FAM117B: variants seen among roughly 807,000 people sequenced by gnomAD.
FAM117B encodes the protein family with sequence similarity 117 member B.
A neutral mutation model predicts 52.8 loss-of-function variants in FAM117B; 22 were observed. The ratio of observed to expected loss-of-function variants is 0.42; its 90% CI spans 0.30 to 0.59. The LOEUF (loss-of-function observed/expected upper bound fraction) is 0.59. FAM117B is among the 20% of genes least tolerant of loss of function. The pLI is 0.22. For synonymous variants in FAM117B, 309 were observed against 324.1 expected (o/e 0.95, Z 0.50); for missense variants, 678 against 802.6 (o/e 0.84, Z 1.88).
chr2:202,738,251 T>G (rs575004620), intron 4 of FAM117B, among the ~76,000 whole-genome samples: 1 of 152,332 alleles, frequency 6.6e-6, no homozygotes, highest in South Asian at 2.1e-4. Context: ...ATAAAAAAAT[T>G]TTGTTGGCAG....
chr2:202,679,124 G>A (rs1690425671), intron 1 of FAM117B, among the ~76,000 whole-genome samples: 2 of 152,110 alleles, frequency 1.3e-5, no homozygotes, highest in African/African-American at 4.8e-5. Context: ...CCCTTCTATG[G>A]TAAACAGTGA....
rs537245240 is a variant in FAM117B at position 202,761,070 on chromosome 2, C to G, written c.1451+1717C>G. On this transcript the variant is annotated intron_variant, in intron 7 of 7. Transcript: ENST00000392238. ...ACCACAGGCATGCCACCACACCCAG[C>G]TAGTTTTTGTAGAGATGGGGTTTTG... 3.1e-3 allele frequency among the ~76,000 whole-genome samples: 479 copies of G among 152,264 alleles called. 1 individual carries two copies. The highest frequency in any genetic ancestry group is 9.3e-3 in the African/African-American group (387 of 41,558).
At chr2:202,641,861 A>T (rs1447312376) in intron 1 of FAM117B, among the ~76,000 whole-genome samples, 1 of 150,774 alleles carries the variant, frequency 6.6e-6, no homozygotes, top group African/African-American at 2.4e-5. Context: ...CTGGTCTCGA[A>T]CTCCTGACCT....
chr2:202,756,261 A>G (rs1160249035), intron 5 of FAM117B, among the ~76,000 whole-genome samples: 2 of 152,160 alleles, frequency 1.3e-5, no homozygotes, highest in East Asian at 3.9e-4. Context: ...TACTAAAAGA[A>G]TACAAAAATA....
At chr2:202,690,343 T>G (rs1690602440) in intron 1 of FAM117B, among the ~76,000 whole-genome samples, 1 of 152,232 alleles carries the variant, frequency 6.6e-6, no homozygotes, top group Non-Finnish European at 1.5e-5. Context: ...ATCTCAAGTC[T>G]TCTTCATTTA....
chr2:202,737,876 A>G (rs956174424), intron 4 of FAM117B, among the ~76,000 whole-genome samples: 1 of 152,176 alleles, frequency 6.6e-6, no homozygotes, highest in African/African-American at 2.4e-5. Context: ...TGCTGGGATT[A>G]CAGGCATGAA....
intron 1 of FAM117B, among the ~76,000 whole-genome samples, chr2:202,654,018 A>G (rs1574542699): frequency 1.3e-5 from 2 of 151,410 alleles, no homozygotes; most frequent in Non-Finnish European, 2.9e-5. Context: ...AAATTTCCCC[A>G]GTGAAATCAT....
At chr2:202,645,441 C>T (rs1346750234) in intron 1 of FAM117B, among the ~76,000 whole-genome samples, 1 of 151,184 alleles carries the variant, frequency 6.6e-6, no homozygotes, top group African/African-American at 2.4e-5. Flanking sequence ...AGGCGCCCGC[C>T]ACCTCGCCCG....
chr2:202,757,504 A>G, intron 6 of FAM117B, 66 bp downstream of exon 6: 1 of 1,480,890 alleles, frequency 6.8e-7, no homozygotes, highest in South Asian at 1.2e-5. Flanking sequence ...CATTCATTCT[A>G]TTCATTTTCT....
At chr2:202,728,549 A>G (rs1691291407) in intron 4 of FAM117B, among the ~76,000 whole-genome samples, 1 of 152,204 alleles carries the variant, frequency 6.6e-6, no homozygotes, top group Non-Finnish European at 1.5e-5. Context: ...TGAATTTGCC[A>G]ACCTTCCCCT....
At chr2:202,719,988 C>T (rs1251282194) in intron 2 of FAM117B, among the ~76,000 whole-genome samples, 1 of 152,082 alleles carries the variant, frequency 6.6e-6, no homozygotes, top group Non-Finnish European at 1.5e-5. Context: ...GCCTGTGGAT[C>T]AAGAGGTACA....
At position 202,736,711 on chromosome 2, in the gene FAM117B, G is replaced by C. The variant is rs78691907; in HGVS notation, c.960+10348G>C. On this transcript the variant is annotated intron_variant, in intron 4 of 7. Transcript: ENST00000392238. ...AGGGAAGTCAAGGCTGCAGTGAGCC[G>C]TTATTGCCCCTACCGCACTCTAGCC... Among the ~76,000 whole-genome samples the C allele has an allele frequency of 8.5e-3, 1,298 of 152,168 alleles. 20 individuals are homozygous for C. Among genetic ancestry groups the C allele is most frequent in the African/African-American group, 0.029 (1,207 of 41,512 alleles).
intron 4 of FAM117B, among the ~76,000 whole-genome samples, chr2:202,747,506 T>C (rs1309536623): frequency 6.6e-6 from 1 of 152,260 alleles, no homozygotes. Context: ...CATGATCTTA[T>C]ATATGGAAAA....
chr2:202,663,052 T>C (rs1690153720), intron 1 of FAM117B, among the ~76,000 whole-genome samples: 1 of 152,220 alleles, frequency 6.6e-6, no homozygotes, highest in Non-Finnish European at 1.5e-5. Flanking sequence ...TTTTTAAAAT[T>C]ATACATTCAT....
intron 4 of FAM117B, among the ~76,000 whole-genome samples, chr2:202,730,113 A>G (rs1691316133): frequency 6.6e-6 from 1 of 152,172 alleles, no homozygotes; most frequent in South Asian, 2.1e-4. Flanking sequence ...AGGGTTTACT[A>G]TGGTAAGCAT....
chr2:202,698,203 T>G (rs908928789), intron 2 of FAM117B, among the ~76,000 whole-genome samples: 2 of 152,312 alleles, frequency 1.3e-5, no homozygotes, highest in Non-Finnish European at 2.9e-5. Flanking sequence ...TAAACACTTT[T>G]CTGTGATGGT....
At chr2:202,695,842 C>T in intron 1 of FAM117B, 39 bp from the exon 2 acceptor site, 2 of 1,539,308 alleles carry the variant, frequency 1.3e-6, no homozygotes, top group Non-Finnish European at 1.8e-6. Context: ...TGTTTCTTTC[C>T]TAATTTTATT....
At chr2:202,645,687 T>G (rs1045662819) in intron 1 of FAM117B, among the ~76,000 whole-genome samples, 2 of 150,648 alleles carry the variant, frequency 1.3e-5, no homozygotes, top group African/African-American at 4.9e-5. Flanking sequence ...CACTGCAACC[T>G]CCGCCTCCCG....
At chr2:202,746,185 C>T (rs1221687484) in intron 4 of FAM117B, among the ~76,000 whole-genome samples, 1 of 152,040 alleles carries the variant, frequency 6.6e-6, no homozygotes, top group African/African-American at 2.4e-5. Context: ...CCAGGATAGA[C>T]CATATGTTAG....
Sources: gnomAD v4.1 joint callset for allele counts (sites outside exome capture counted in the v4.1 genomes callset) on GRCh38, gnomAD v4.1.1 for gene constraint, MANE v1.5 for transcripts, NCBI Gene and HGNC (gene_info 2026-07-23, HGNC 2026-07-21) for gene names.